FHIP2B: variants seen among roughly 807,000 people sequenced by gnomAD.
The protein encoded by FHIP2B is FHF complex subunit HOOK interacting protein 2B.
FHIP2B carries 72 observed loss-of-function variants against 84.0 expected under a neutral mutation model. The ratio of observed to expected loss-of-function variants is 0.86; its 90% CI spans 0.71 to 1.04. The LOEUF is 1.04. Ranked by LOEUF, FHIP2B falls within the 50% of genes least tolerant of loss-of-function variation. FHIP2B has a pLI of 0.00. For synonymous variants in FHIP2B, 497 were observed against 418.7 expected, an observed-to-expected ratio of 1.19 and a Z score of -2.28; for missense variants, 972 against 968.9, an observed-to-expected ratio of 1.00 and a Z score of -0.04.
At chr8:22,102,724 T>A (rs925863824) in intron 16 of FHIP2B, 69 bp from the exon 17 acceptor site, 57 of 1,604,318 alleles carry the variant, frequency 3.6e-5, no homozygotes, top group Middle Eastern at 3.3e-4. Context: ...GCCTCGTGGA[T>A]GCTGGGCTGT....
At position 22,099,771 on chromosome 8, in the gene FHIP2B, G is replaced by C. The variant is rs1252303497; in HGVS notation, c.1219G>C (p.Ala407Pro). The C allele has an allele frequency of 3.6e-5, 58 of 1,611,510 alleles. No homozygotes were observed. The highest frequency in any genetic ancestry group is 4.7e-5 in the Non-Finnish European group (55 of 1,179,596). Residue 407 changes from alanine (A) to proline (P), a missense_variant, in exon 10 of 17, where the codon GCG becomes CCG. By Grantham distance (27) the Ala-to-Pro change is conservative. Coordinates refer to ENST00000289921, the MANE Select transcript of FHIP2B (RefSeq NM_022749.7). ...TAMLRQLRSPALLREAVAFLL... is the reference protein window; with the variant it reads ...TAMLRQLRSPPLLREAVAFLL... ...CATGCTGCGCCAGCTTCGCTCCCCT[G>C]CGCTGCTGCGGGAGGCCGTGGCTTT...
rs1825671923 is a variant in FHIP2B at position 22,094,683 on chromosome 8, G to A, written c.124+165G>A. On this transcript the variant is annotated intron_variant, in intron 2 of 16. Coordinates refer to ENST00000289921, the MANE Select transcript of FHIP2B (RefSeq NM_022749.7). The stretch of plus-strand genomic sequence containing the variant: ...GAACCAGACAGACAGAAGACCCAGA[G>A]CCCTGGGCCACTCCACTCCTGATGA... The A allele has an allele frequency of 7.5e-6, 11 of 1,457,218 alleles. No individual in the cohort carries two copies. The South Asian group carries it at 1.3e-4, about 17-fold the overall frequency. 90.3% of individuals were successfully genotyped at this position (1,457,218 alleles called of 1,614,324 possible).
intron 8 of FHIP2B, 104 bp downstream of exon 8, chr8:22,099,160 C>A: frequency 1.3e-6 from 2 of 1,494,944 alleles, no homozygotes; most frequent in Non-Finnish European, 1.8e-6. Flanking sequence ...GGTCCAGGAG[C>A]TAAGCGGGGC....
chr8:22,098,233 G>C lies in FHIP2B; in HGVS notation c.691G>C (p.Ala231Pro), dbSNP rs368525379. Residue 231 changes from alanine to proline, a missense_variant, in exon 6 of 17, where the codon GCT becomes CCT. Ala to Pro is a conservative substitution (Grantham distance 27). Transcript: ENST00000289921. ...CCAGGCCTTGAACAGCCACATGCCT[G>C]CTGAGACCGAGGAGCTGGACGGTGG... is the stretch of plus-strand genomic sequence containing the variant. The part of the protein sequence containing the change: ...GAQALNSHMP[A>P]ETEELDGGTT... 6 of 1,591,608 alleles carry C rather than the reference G, an allele frequency of 3.8e-6. No individual in the cohort carries two copies. The highest frequency in any genetic ancestry group is 5.1e-6 in the Non-Finnish European group (6 of 1,169,724).
intron 15 of FHIP2B, 22 bp downstream of exon 15, chr8:22,102,337 G>A (rs760122504): frequency 6.2e-7 from 1 of 1,610,728 alleles, no homozygotes; most frequent in Non-Finnish European, 8.5e-7. Flanking sequence ...TCGGCCCAAG[G>A]GAGTGTGCCT....
chr8:22,098,554 G>C lies in FHIP2B; in HGVS notation c.900G>C (p.Leu300Phe), dbSNP rs1467606246. Reference sequence around the variant, plus strand: ...CGATCGTCCGGCACCTTTGCCAGTTGTACCGGTCCATGCCTGTCTTCCTGG... The same window carrying C: ...CGATCGTCCGGCACCTTTGCCAGTTCTACCGGTCCATGCCTGTCTTCCTGG... ...CPAIVRHLCQ[L>F]YRSMPVFLDP... The change falls in exon 7 of 17, where the codon TTG (leucine) becomes TTC (phenylalanine). Residue 300 changes from leucine (L) to phenylalanine (F), a missense_variant. By Grantham distance (22) the Leu-to-Phe change is conservative (BLOSUM62 0). Transcript: ENST00000289921. The C allele has an allele frequency of 5.0e-6, 8 of 1,611,180 alleles. No individual in the cohort carries two copies. Among genetic ancestry groups the C allele is most frequent in the East Asian group, 2.2e-5 (1 of 44,780 alleles).
chr8:22,098,430 G>T lies in FHIP2B; in HGVS notation c.776G>T (p.Arg259Leu). 1.3e-6 allele frequency: 2 copies of T among 1,594,630 alleles called. No individual in the cohort carries two copies. The highest frequency in any genetic ancestry group is 1.7e-6 in the Non-Finnish European group (2 of 1,168,140). Reference protein sequence around the residue: ...LLGLCQSKKSRVALKAQENLL... With the variant: ...LLGLCQSKKSLVALKAQENLL... ...TGTATCCTCATCCCCTAGAAGAGTC[G>T]GGTGGCCTTGAAGGCCCAGGAGAAC... The change falls in exon 7 of 17, where the codon CGG (arginine) becomes CTG (leucine). Residue 259 changes from arginine (R) to leucine (L), a missense_variant. Physicochemically the swap from Arg to Leu is moderately radical, Grantham distance 102. Coordinates refer to ENST00000289921, the MANE Select transcript of FHIP2B (RefSeq NM_022749.7).
At chr8:22,101,015 T>C in intron 12 of FHIP2B, 43 bp downstream of exon 12, 1 of 1,558,616 alleles carries the variant, frequency 6.4e-7, no homozygotes, top group Non-Finnish European at 8.7e-7. Context: ...GAGTTTTATT[T>C]TATTTTATTT....
chr8:22,102,115 G>T lies in FHIP2B; in HGVS notation c.1852-60G>T, dbSNP rs919677510. On this transcript the variant is annotated intron_variant, in intron 14 of 16. Transcript: ENST00000289921. ...ACAGTGGCCAGGCACCTTGCTGGGG[G>T]AGTGCAAAAATACTCACCAGCCCTG... 8 of 1,611,458 alleles carry T rather than the reference G, an allele frequency of 5.0e-6. No homozygotes were observed. The African/African-American group carries it at 6.7e-5, about 13-fold the overall frequency.
At chr8:22,091,240 CTT>C (rs71204535) in intron 1 of FHIP2B, among the ~76,000 whole-genome samples, 11,376 of 108,792 alleles carry the variant, frequency 0.1, 510 homozygotes, top group Non-Finnish European at 0.16. Flanking sequence ...ATCATTACAG[CTT>C]TTTTTTTTTT....
chr8:22,096,313 C>T (rs1444507983), intron 2 of FHIP2B, 24 bp from the exon 3 acceptor site: 1 of 1,531,044 alleles, frequency 6.5e-7, no homozygotes, highest in Admixed American at 2.0e-5. Flanking sequence ...ACCCTACTCA[C>T]CCTTGTTTCC....
intron 1 of FHIP2B, among the ~76,000 whole-genome samples, chr8:22,092,681 G>A (rs144784224): frequency 2.0e-5 from 3 of 151,126 alleles, no homozygotes; most frequent in African/African-American, 7.3e-5. Context: ...TAGAGACTCC[G>A]AAGTCTCGCC....
intron 2 of FHIP2B, chr8:22,094,932 A>T (rs1306055078): frequency 9.4e-7 from 1 of 1,067,078 alleles, no homozygotes; most frequent in African/African-American, 1.7e-5. Context: ...CTTAGGGGCA[A>T]TGTCCTTGTA....
At chr8:22,089,771 G>A (rs1228026110) in intron 1 of FHIP2B, 2 of 1,285,216 alleles carry the variant, frequency 1.6e-6, no homozygotes, top group Non-Finnish European at 2.0e-6. Context: ...ACAACTCCAG[G>A]ACCTTGTTGG....
At position 22,102,263 on chromosome 8, in the gene FHIP2B, CG is replaced by C; in HGVS notation, c.1941del (p.Tyr648ThrfsTer16). On this transcript the variant is annotated frameshift_variant, in exon 15 of 17. Transcript: ENST00000289921. LOFTEE classifies it high-confidence loss of function. ...CATATTCATGAGTACCTGCTGGATC[CG>C]TACATCAGCCTGGCCCCCGGCTGCA... ...HPHIHEYLLD[P>X]YISLAPGCRS... 9.3e-6 allele frequency: 15 copies of C among 1,613,214 alleles called. No homozygotes were observed. The highest frequency in any genetic ancestry group is 1.3e-5 in the Non-Finnish European group (15 of 1,179,880).
At position 22,098,560 on chromosome 8, in the gene FHIP2B, G is replaced by T. The variant is rs762986197; in HGVS notation, c.906G>T (p.Arg302=). The change falls in exon 7 of 17, where the codon CGG becomes CGT. Residue 302 remains arginine, a synonymous_variant. Transcript: ENST00000289921. ...AIVRHLCQLY[R]SMPVFLDPAD... The stretch of plus-strand genomic sequence containing the variant: ...TCCGGCACCTTTGCCAGTTGTACCG[G>T]TCCATGCCTGTCTTCCTGGACCCCG... The T allele has an allele frequency of 4.8e-5, 78 of 1,609,786 alleles. No homozygotes were observed. Among genetic ancestry groups the T allele is most frequent in the Middle Eastern group, 3.3e-4 (2 of 6,076 alleles).
At chr8:22,099,103 C>T (rs1398224052) in intron 8 of FHIP2B, 47 bp downstream of exon 8, 5 of 1,515,042 alleles carry the variant, frequency 3.3e-6, no homozygotes, top group Admixed American at 3.9e-5. Flanking sequence ...GTTCCCTGTA[C>T]CATCTCCATC....
chr8:22,104,316 G>A lies in FHIP2B; in HGVS notation c.*1385G>A, dbSNP rs1826286372. On this transcript the variant is annotated 3_prime_UTR_variant, in exon 17 of 17. Coordinates refer to ENST00000289921, the MANE Select transcript of FHIP2B (RefSeq NM_022749.7). ...TCACAGACCCTCCCCTCTCCTCAGT[G>A]CACTTTGGCATTTGCACGGTGTCTT... 6.6e-6 allele frequency: 1 copy of A among 152,502 alleles called. No homozygotes were observed. The highest frequency in any genetic ancestry group is 2.1e-4 in the South Asian group (1 of 4,828). 9.4% of individuals were successfully genotyped at this position (152,502 alleles called of 1,614,324 possible). A position where few individuals can be genotyped will look rare whatever the true frequency, so the allele number is the denominator to read the frequency against.
intron 1 of FHIP2B, among the ~76,000 whole-genome samples, chr8:22,093,870 A>G (rs931905974): frequency 5.3e-5 from 8 of 151,846 alleles, no homozygotes; most frequent in Non-Finnish European, 1.2e-4. Context: ...GGCAGACACC[A>G]CCACGTCCTG....
Sources: gnomAD v4.1 joint callset for allele counts (sites outside exome capture counted in the v4.1 genomes callset) on GRCh38, gnomAD v4.1.1 for gene constraint, MANE v1.5 for transcripts, NCBI Gene and HGNC (gene_info 2026-07-23, HGNC 2026-07-21) for gene names.